DNM3: variants seen among roughly 807,000 people sequenced by gnomAD.
DNM3 encodes the protein dynamin-3.
DNM3 carries 47 observed loss-of-function variants against 101.6 expected under a neutral mutation model. The ratio of observed to expected loss-of-function variants is 0.46; its 90% CI spans 0.37 to 0.59. The LOEUF is 0.59. DNM3 is among the 20% of genes least tolerant of loss of function. DNM3 has a pLI of 0.00. For missense variants in DNM3, 849 were observed against 1,085.7 expected (o/e 0.78, Z 3.06); for synonymous variants, 385 against 387.9 (o/e 0.99, Z 0.09).
chr1:172,375,801 G>C (rs894543945), intron 17 of DNM3, among the ~76,000 whole-genome samples: 1 of 148,670 alleles, frequency 6.7e-6, no homozygotes, highest in South Asian at 2.1e-4. Context: ...TTAAAGCCAG[G>C]AATTTGAGAT....
chr1:172,068,154 C>G (rs182998615), intron 10 of DNM3, among the ~76,000 whole-genome samples: 3 of 152,244 alleles, frequency 2.0e-5, no homozygotes, highest in East Asian at 1.9e-4. Flanking sequence ...ATGGTGAAAC[C>G]CTGTCTTTAC....
chr1:172,141,186 C>T (rs900148566), intron 14 of DNM3, among the ~76,000 whole-genome samples: 3 of 151,982 alleles, frequency 2.0e-5, no homozygotes, highest in Non-Finnish European at 4.4e-5. Context: ...TAATTTACTT[C>T]GTTATCTCTA....
At chr1:172,391,206 A>C (rs571899279) in intron 20 of DNM3, among the ~76,000 whole-genome samples, 1 of 152,328 alleles carries the variant, frequency 6.6e-6, no homozygotes, top group Non-Finnish European at 1.5e-5. Flanking sequence ...TGATCTGGCC[A>C]TGCAAAGAGT....
chr1:171,859,231 C>G (rs2033930056), intron 1 of DNM3, among the ~76,000 whole-genome samples: 1 of 152,046 alleles, frequency 6.6e-6, no homozygotes, highest in Admixed American at 6.6e-5. Context: ...TGTTCTTCAC[C>G]CCACTATTAT....
At position 172,298,290 on chromosome 1, in the gene DNM3, T is replaced by C. The variant is rs553156613; in HGVS notation, c.1770-10438T>C. 1.4e-3 allele frequency among the ~76,000 whole-genome samples: 207 copies of C among 152,310 alleles called. 8 individuals carry two copies. In the South Asian group the frequency reaches 0.041, roughly 30 times the overall value. ...TAGGTATCCTTTCATTTTCATTTGT[T>C]CTTCATGGCACAAGTCCAACTGCTG... is the stretch of plus-strand genomic sequence containing the variant. On this transcript the variant is annotated intron_variant, in intron 15 of 20. Transcript: ENST00000627582.
intron 14 of DNM3, among the ~76,000 whole-genome samples, chr1:172,185,400 G>A (rs1043198396): frequency 1.3e-5 from 2 of 152,092 alleles, no homozygotes; most frequent in African/African-American, 4.8e-5. Context: ...TTTGAAAGCA[G>A]AACCATTTTT....
At position 171,841,773 on chromosome 1, in the gene DNM3, C is replaced by A. The variant is rs966543689; in HGVS notation, c.117C>A (p.Gly39=). The A allele has an allele frequency of 1.2e-6, 2 of 1,610,310 alleles. No individual in the cohort carries two copies. Among genetic ancestry groups the A allele is most frequent in the Non-Finnish European group, 1.7e-6 (2 of 1,179,272 alleles). ...TGCCGCAGATCGCCGTGGTGGGCGG[C>A]CAGAGCGCCGGCAAGAGCTCGGTGC... ...LELPQIAVVG[G]QSAGKSSVLE... The change falls in exon 1 of 21, where the codon GGC becomes GGA. Residue 39 remains glycine, a synonymous_variant. Transcript: ENST00000627582.
At chr1:172,339,249 G>C (rs2066583030) in intron 17 of DNM3, among the ~76,000 whole-genome samples, 2 of 152,110 alleles carry the variant, frequency 1.3e-5, no homozygotes, top group African/African-American at 2.4e-5. Flanking sequence ...TGCCACACTT[G>C]GGGGAAGGAA....
chr1:172,324,749 G>A (rs553729757), intron 17 of DNM3, among the ~76,000 whole-genome samples: 9 of 152,180 alleles, frequency 5.9e-5, no homozygotes, highest in East Asian at 1.9e-4. Flanking sequence ...TGAATAGTAC[G>A]TATGTCGAAT....
At chr1:172,305,103 T>A (rs570255687) in intron 15 of DNM3, among the ~76,000 whole-genome samples, 6 of 152,284 alleles carry the variant, frequency 3.9e-5, no homozygotes, top group Non-Finnish European at 8.8e-5. Flanking sequence ...AGCTCATTTT[T>A]TGAAAAGATC....
chr1:172,154,164 T>G (rs890967559), intron 14 of DNM3, among the ~76,000 whole-genome samples: 1 of 152,084 alleles, frequency 6.6e-6, no homozygotes, highest in African/African-American at 2.4e-5. Flanking sequence ...CTACAATGGT[T>G]TCCCAAATGG....
intron 4 of DNM3, among the ~76,000 whole-genome samples, chr1:172,030,430 G>A (rs1463800765): frequency 2.6e-5 from 4 of 152,122 alleles, no homozygotes; most frequent in Non-Finnish European, 4.4e-5. Flanking sequence ...AGACTTAAAT[G>A]TAAGACCCAA....
chr1:172,165,801 C>T (rs543616639), intron 14 of DNM3, among the ~76,000 whole-genome samples: 9 of 152,116 alleles, frequency 5.9e-5, no homozygotes, highest in East Asian at 3.9e-4. Flanking sequence ...GCTTATGTCT[C>T]ATCTCTCCAC....
chr1:172,085,490 C>T (rs1037661055), intron 12 of DNM3, among the ~76,000 whole-genome samples: 1 of 152,066 alleles, frequency 6.6e-6, no homozygotes, highest in Non-Finnish European at 1.5e-5. Context: ...AGGATTTATG[C>T]AGTCCAATGG....
At chr1:172,094,980 T>C (rs1192247799) in intron 13 of DNM3, among the ~76,000 whole-genome samples, 1 of 152,230 alleles carries the variant, frequency 6.6e-6, no homozygotes, top group Non-Finnish European at 1.5e-5. Context: ...TTGGAACAGC[T>C]TTCAGTTATA....
intron 1 of DNM3, among the ~76,000 whole-genome samples, chr1:171,897,637 C>T (rs747595383): frequency 6.6e-6 from 1 of 152,122 alleles, no homozygotes; most frequent in African/African-American, 2.4e-5. Flanking sequence ...TTAATGAATA[C>T]ATGCCAAATA....
intron 10 of DNM3, among the ~76,000 whole-genome samples, chr1:172,064,684 A>G (rs531498253): frequency 4.6e-5 from 7 of 152,168 alleles, no homozygotes; most frequent in Non-Finnish European, 7.4e-5. Context: ...ATATTTATAT[A>G]TTTTATATTT....
At chr1:171,873,330 GTTAT>G (rs1438553537) in intron 1 of DNM3, among the ~76,000 whole-genome samples, 1 of 152,026 alleles carries the variant, frequency 6.6e-6, no homozygotes, top group Non-Finnish European at 1.5e-5. Context: ...TATTTAAAAG[GTTAT>G]TTAAAACCCT....
chr1:172,023,063 C>T (rs975483467), intron 4 of DNM3, among the ~76,000 whole-genome samples: 1 of 152,082 alleles, frequency 6.6e-6, no homozygotes, highest in Non-Finnish European at 1.5e-5. Flanking sequence ...CTAACGTATT[C>T]CCAATCTCCC....
Sources: allele counts gnomAD v4.1 joint callset (sites outside exome capture counted in the v4.1 genomes callset), GRCh38; gene constraint gnomAD v4.1.1; transcripts MANE v1.5; gene names NCBI Gene and HGNC (gene_info 2026-07-23, HGNC 2026-07-21).